SEZ6L: variants seen among roughly 807,000 people sequenced by gnomAD.
SEZ6L encodes the protein seizure 6-like protein.
SEZ6L carries 37 observed loss-of-function variants against 106.2 expected under a neutral mutation model. The observed-to-expected ratio is 0.35, with a 90% CI of 0.27 to 0.46. The LOEUF is 0.46. Among genes scored for constraint, SEZ6L ranks in the 20% least tolerant of loss-of-function variants. SEZ6L has a pLI of 1.00. For synonymous variants in SEZ6L, 541 were observed against 570.4 expected (o/e 0.95, Z 0.73); for missense variants, 1,172 against 1,332.8 (o/e 0.88, Z 1.88).
intron 1 of SEZ6L, among the ~76,000 whole-genome samples, chr22:26,247,302 C>T (rs1427927724): frequency 2.0e-5 from 3 of 152,158 alleles, no homozygotes; most frequent in African/African-American, 2.4e-5. Context: ...AGTCATTCCT[C>T]CTTTGTACTG....
chr22:26,169,742 C>T lies in SEZ6L; in HGVS notation c.73C>T (p.Pro25Ser). 7.9e-7 allele frequency: 1 copy of T among 1,262,034 alleles called. No individual in the cohort carries two copies. Among genetic ancestry groups the T allele is most frequent in the South Asian group, 2.9e-5 (1 of 34,154 alleles). 78.2% of individuals were successfully genotyped at this position (1,262,034 alleles called of 1,614,324 possible). A position where few individuals can be genotyped will look rare whatever the true frequency, so the allele number is the denominator to read the frequency against. The stretch of plus-strand genomic sequence containing the variant: ...GTTCCTCGCTCTGCTCCTGGGGAGC[C>T]CGGCGGCAGCGCTGGAGCGAGGTAA... ...SLFLALLLGSPAAALERDALP... is the reference protein window; with the variant it reads ...SLFLALLLGSSAAALERDALP... The change falls in exon 1 of 17, where the codon CCG becomes TCG. Residue 25 changes from proline (P) to serine (S), a missense_variant. Physicochemically the swap from Pro to Ser is moderately conservative, Grantham distance 74 (BLOSUM62 -1). Coordinates refer to ENST00000248933, the MANE Select transcript of SEZ6L (RefSeq NM_021115.5).
At chr22:26,216,830 A>G (rs2078313150) in intron 1 of SEZ6L, among the ~76,000 whole-genome samples, 1 of 152,168 alleles carries the variant, frequency 6.6e-6, no homozygotes, top group African/African-American at 2.4e-5. Flanking sequence ...ACCACCCACT[A>G]GGTCATTCTC....
chr22:26,379,213 A>G (rs2084332340), intron 16 of SEZ6L, among the ~76,000 whole-genome samples: 1 of 152,226 alleles, frequency 6.6e-6, no homozygotes. Context: ...CTCTCTATAG[A>G]GCAGCTCATG....
At chr22:26,182,091 C>T (rs1017431263) in intron 1 of SEZ6L, among the ~76,000 whole-genome samples, 1 of 152,202 alleles carries the variant, frequency 6.6e-6, no homozygotes, top group Non-Finnish European at 1.5e-5. Context: ...CAATCCCCAC[C>T]TCTCAACACT....
rs200645485 is a variant in SEZ6L, at chr22:26,183,534, G to GA, written c.94+13780dup. On this transcript the variant is annotated intron_variant, in intron 1 of 16. Coordinates refer to ENST00000248933, the MANE Select transcript of SEZ6L (RefSeq NM_021115.5). ...GTTTGATCTTCCTTAACTTCAACAA[G>GA]AAAAAAAAATCTAGTTGATGTTCCT... Among the ~76,000 whole-genome samples, 1,061 of 151,332 alleles carry GA rather than the reference G, an allele frequency of 7.0e-3. 16 individuals are homozygous for GA. The highest frequency in any genetic ancestry group is 0.023 in the African/African-American group (969 of 41,286).
intron 13 of SEZ6L, among the ~76,000 whole-genome samples, chr22:26,367,415 C>T (rs2083855731): frequency 6.6e-6 from 1 of 152,158 alleles, no homozygotes; most frequent in South Asian, 2.1e-4. Flanking sequence ...GTGATCATTA[C>T]TCACTGCAGC....
intron 10 of SEZ6L, among the ~76,000 whole-genome samples, chr22:26,341,019 A>G (rs1181189284): frequency 1.3e-5 from 2 of 152,138 alleles, no homozygotes; most frequent in African/African-American, 2.4e-5. Flanking sequence ...GTCAGCTGAG[A>G]TCTTACATCA....
chr22:26,225,197 T>G (rs747350776), intron 1 of SEZ6L, among the ~76,000 whole-genome samples: 46 of 152,236 alleles, frequency 3.0e-4, no homozygotes, highest in Non-Finnish European at 1.6e-4. Context: ...ATTAGCTTGG[T>G]GCAGCTCTCA....
intron 13 of SEZ6L, 119 bp downstream of exon 13, chr22:26,365,685 C>T (rs1373120159): frequency 1.8e-5 from 15 of 838,030 alleles, no homozygotes; most frequent in Non-Finnish European, 2.5e-5. Flanking sequence ...CCAGCCGAGG[C>T]AACATAGTGA....
At chr22:26,226,873 G>C (rs957194703) in intron 1 of SEZ6L, among the ~76,000 whole-genome samples, 1 of 152,118 alleles carries the variant, frequency 6.6e-6, no homozygotes, top group Non-Finnish European at 1.5e-5. Flanking sequence ...CTGAAATAGA[G>C]AGACAAAGAC....
rs569976807 is a variant in SEZ6L, at chr22:26,292,794, G to A, written c.483G>A (p.Thr161=). The A allele has an allele frequency of 1.6e-5, 26 of 1,614,062 alleles. No individual in the cohort carries two copies. Among genetic ancestry groups the A allele is most frequent in the Middle Eastern group, 1.6e-4 (1 of 6,062 alleles). Residue 161 remains threonine, a synonymous_variant, in exon 2 of 17, where the codon ACG becomes ACA. Coordinates refer to ENST00000248933, the MANE Select transcript of SEZ6L (RefSeq NM_021115.5). ...SQGLDLLSSS[T]EKPGPPGDPD... ...GCCTAGATCTCCTCTCCTCCTCCAC[G>A]GAGAAGCCTGGCCCACCGGGGGACC...
chr22:26,278,460 G>A (rs2080628521), intron 1 of SEZ6L, among the ~76,000 whole-genome samples: 1 of 152,146 alleles, frequency 6.6e-6, no homozygotes, highest in South Asian at 2.1e-4. Flanking sequence ...CACCTTTGGA[G>A]TCTCCAGTGT....
At chr22:26,258,890 T>C (rs969202481) in intron 1 of SEZ6L, among the ~76,000 whole-genome samples, 6 of 152,178 alleles carry the variant, frequency 3.9e-5, no homozygotes, top group African/African-American at 1.4e-4. Flanking sequence ...GGGAACAATA[T>C]GGTCCTATTA....
intron 1 of SEZ6L, among the ~76,000 whole-genome samples, chr22:26,177,615 G>A (rs1364105831): frequency 6.6e-6 from 1 of 152,114 alleles, no homozygotes; most frequent in African/African-American, 2.4e-5. Flanking sequence ...TAAAAACCCA[G>A]GCTCTAGAGT....
intron 1 of SEZ6L, among the ~76,000 whole-genome samples, chr22:26,275,675 G>A (rs1569437432): frequency 6.6e-6 from 1 of 152,128 alleles, no homozygotes; most frequent in Non-Finnish European, 1.5e-5. Flanking sequence ...AAATGACGGT[G>A]CTAGGCCAGC....
In SEZ6L at chr22:26,288,218, A is replaced by G. The variant is rs557995168; in HGVS notation, c.95-4188A>G. Reference sequence around the variant, plus strand: ...TTTGTTTTCTGCCAACTGCATCCTTAGGCACTTGGAAGACAAAACAGATGA... The same window carrying G: ...TTTGTTTTCTGCCAACTGCATCCTTGGGCACTTGGAAGACAAAACAGATGA... On this transcript the variant is annotated intron_variant, in intron 1 of 16. Coordinates refer to ENST00000248933, the MANE Select transcript of SEZ6L (RefSeq NM_021115.5). 7.9e-5 allele frequency among the ~76,000 whole-genome samples: 12 copies of G among 152,334 alleles called. No individual in the cohort carries two copies. In the South Asian group the frequency reaches 1.9e-3, roughly 24 times the overall value.
intron 1 of SEZ6L, among the ~76,000 whole-genome samples, chr22:26,258,360 G>T (rs984581275): frequency 2.0e-5 from 3 of 152,190 alleles, no homozygotes; most frequent in African/African-American, 7.2e-5. Flanking sequence ...AAGTGGGCAG[G>T]GAGTCATCAC....
chr22:26,318,040 A>T (rs2082053844), intron 9 of SEZ6L, among the ~76,000 whole-genome samples: 1 of 149,594 alleles, frequency 6.7e-6, no homozygotes, highest in African/African-American at 2.5e-5. Flanking sequence ...ATCTAAAATC[A>T]TTTAAATTCA....
intron 9 of SEZ6L, among the ~76,000 whole-genome samples, chr22:26,318,249 T>C (rs527366424): frequency 6.6e-6 from 1 of 152,136 alleles, no homozygotes; most frequent in South Asian, 2.1e-4. Context: ...AATTTTTGTA[T>C]TTTTAATAGA....
Sources: gnomAD v4.1 joint callset for allele counts (sites outside exome capture counted in the v4.1 genomes callset) on GRCh38, gnomAD v4.1.1 for gene constraint, MANE v1.5 for transcripts, NCBI Gene and HGNC (gene_info 2026-07-23, HGNC 2026-07-21) for gene names.